The following MAGED1 variants were observed in gnomAD, a reference collection of about 807,000 sequenced individuals.
The protein encoded by MAGED1 is MAGE family member D1.
A neutral mutation model predicts 54.1 loss-of-function variants in MAGED1; 3 were observed. That is an observed-to-expected ratio of 0.06 (90% confidence interval 0.03 to 0.14). The LOEUF is 0.14. MAGED1 is among the 10% of genes least tolerant of loss of function. The pLI is 1.00. For missense variants in MAGED1, 485 were observed against 623.4 expected (o/e 0.78, Z 2.36); for synonymous variants, 217 against 227.3 (o/e 0.95, Z 0.41).
intron 1 of MAGED1, among the ~76,000 whole-genome samples, chrX:51,833,410 T>C (rs193275870): frequency 2.7e-5 from 3 of 111,593 alleles, no homozygotes; most frequent in Admixed American, 9.5e-5. Context: ...TTAGTAAGTG[T>C]GCTGTTGCTG....
chrX:51,818,724 C>T (rs185134500), intron 1 of MAGED1, among the ~76,000 whole-genome samples: 1 of 112,282 alleles, frequency 8.9e-6, no homozygotes, highest in East Asian at 2.8e-4. Flanking sequence ...CAATTGGCCC[C>T]ATCTGCACAT....
intron 1 of MAGED1, among the ~76,000 whole-genome samples, chrX:51,807,793 A>G (rs998198240): frequency 1.8e-5 from 2 of 112,093 alleles, no homozygotes; most frequent in African/African-American, 3.2e-5. Flanking sequence ...TTGTATGAAT[A>G]CCACTGTCTT....
At chrX:51,841,789 G>A (rs1013770835) in intron 1 of MAGED1, among the ~76,000 whole-genome samples, 1 of 111,525 alleles carries the variant, frequency 9.0e-6, no homozygotes, top group Admixed American at 9.5e-5. Flanking sequence ...TGTTCCATTG[G>A]TCTATATCTC....
intron 1 of MAGED1, among the ~76,000 whole-genome samples, chrX:51,812,846 A>C (rs1249191481): frequency 9.1e-6 from 1 of 110,273 alleles, no homozygotes; most frequent in Non-Finnish European, 1.9e-5. Flanking sequence ...CTTTTCCAAA[A>C]TGGCTCTACC....
intron 1 of MAGED1, among the ~76,000 whole-genome samples, chrX:51,817,160 T>C (rs1167195919): frequency 1.8e-5 from 2 of 112,012 alleles, no homozygotes; most frequent in South Asian, 7.6e-4. Context: ...GTGAATCCGT[T>C]TGACAATGTG....
intron 9 of MAGED1, 96 bp from the exon 10 acceptor site, chrX:51,898,485 C>A: frequency 1.0e-6 from 1 of 973,955 alleles, no homozygotes; most frequent in Non-Finnish European, 1.4e-6. Context: ...CAGTTCTGAA[C>A]TCTCTGCCTC....
intron 1 of MAGED1, among the ~76,000 whole-genome samples, chrX:51,888,463 A>T (rs1928319721): frequency 8.9e-6 from 1 of 112,156 alleles, no homozygotes; most frequent in African/African-American, 3.2e-5. Context: ...ATATACTGAC[A>T]CCAGCAGATG....
chrX:51,836,826 G>A (rs1219289559), intron 1 of MAGED1, among the ~76,000 whole-genome samples: 2 of 110,833 alleles, frequency 1.8e-5, no homozygotes, highest in Non-Finnish European at 3.8e-5. Context: ...CGCCCGCCTC[G>A]GCCTCCCAAA....
chrX:51,873,296 CA>C (rs1174056938), intron 1 of MAGED1, among the ~76,000 whole-genome samples: 4 of 110,696 alleles, frequency 3.6e-5, no homozygotes, highest in Admixed American at 1.9e-4. Flanking sequence ...AGTCACCTCC[CA>C]CCGGGTCCCT....
intron 10 of MAGED1, 196 bp downstream of exon 10, chrX:51,898,839 C>CA (rs1475638794): frequency 1.9e-5 from 7 of 362,478 alleles, no homozygotes; most frequent in Non-Finnish European, 2.8e-5. Flanking sequence ...CCCATCTCTA[C>CA]AAAAAAATAC....
At chrX:51,817,707 A>T (rs923878001) in intron 1 of MAGED1, among the ~76,000 whole-genome samples, 5 of 111,842 alleles carry the variant, frequency 4.5e-5, no homozygotes, top group Non-Finnish European at 9.4e-5. Flanking sequence ...TATTTGACAC[A>T]CTCATTCAGG....
At chrX:51,866,113 T>G (rs1927451327) in intron 1 of MAGED1, among the ~76,000 whole-genome samples, 1 of 112,345 alleles carries the variant, frequency 8.9e-6, no homozygotes, top group Non-Finnish European at 1.9e-5. Context: ...TAATATAGAA[T>G]TTGTTTTTAA....
intron 1 of MAGED1, among the ~76,000 whole-genome samples, chrX:51,813,662 G>C (rs782583985): frequency 3.6e-5 from 4 of 111,819 alleles, no homozygotes; most frequent in Non-Finnish European, 7.5e-5. Flanking sequence ...CAAAATTTGG[G>C]TGGGGTCCCT....
At chrX:51,890,157 C>T (rs1928385174), upstream of MAGED1, among the ~76,000 whole-genome samples, 1 of 112,091 alleles carries the variant, frequency 8.9e-6, no homozygotes, top group Non-Finnish European at 1.9e-5. Context: ...CCATGCCTAT[C>T]TGACTGAACC....
intron 1 of MAGED1, among the ~76,000 whole-genome samples, chrX:51,860,376 C>G (rs782221536): frequency 8.9e-6 from 1 of 111,737 alleles, no homozygotes; most frequent in African/African-American, 3.3e-5. Flanking sequence ...TGGGTTAAGG[C>G]AGTGGGAATG....
Position 51,898,327 on chromosome X carries a change from G to T in MAGED1, c.1781G>T (p.Gly594Val). The change falls in exon 9 of 13, where the codon GGG (glycine) becomes GTG (valine). Residue 594 changes from glycine (G) to valine (V), a missense_variant and splice_region_variant. Physicochemically the swap from Gly to Val is moderately radical, Grantham distance 109. This residue lies in a region of MAGED1 where 186 missense variants were observed against 330.3 expected (regional missense o/e 0.56). Coordinates refer to ENST00000326587, the MANE Select transcript of MAGED1 (RefSeq NM_006986.4). Reference sequence around the variant, plus strand: ...CTACGCAAGATGGGACTGCGTCCTGGGTATGATTGGGCTCTCTCATCTCTT... The same window carrying T: ...CTACGCAAGATGGGACTGCGTCCTGTGTATGATTGGGCTCTCTCATCTCTT... ...EALRKMGLRP[G>V]VRHPLLGDLR... 8.3e-7 allele frequency: 1 copy of T among 1,210,661 alleles called. No individual in the cohort carries two copies. Among genetic ancestry groups the T allele is most frequent in the Non-Finnish European group, 1.1e-6 (1 of 894,844 alleles).
chrX:51,839,737 C>A (rs1335404741), intron 1 of MAGED1, among the ~76,000 whole-genome samples: 1 of 111,976 alleles, frequency 8.9e-6, no homozygotes, highest in Non-Finnish European at 1.9e-5. Context: ...TTCCATGAAT[C>A]TTATTTGATA....
At chrX:51,828,961 T>C (rs1248865849) in intron 1 of MAGED1, among the ~76,000 whole-genome samples, 2 of 111,311 alleles carry the variant, frequency 1.8e-5, no homozygotes, top group African/African-American at 3.3e-5. Context: ...CACTTTGAAC[T>C]ATTGCATTTC....
At chrX:51,888,041 G>A (rs1270392072) in intron 1 of MAGED1, among the ~76,000 whole-genome samples, 4 of 111,365 alleles carry the variant, frequency 3.6e-5, no homozygotes, top group African/African-American at 1.3e-4. Context: ...TGGGAAGGAG[G>A]TGGGGATGGT....
Sources: allele counts gnomAD v4.1 joint callset (sites outside exome capture counted in the v4.1 genomes callset), GRCh38; gene constraint gnomAD v4.1.1; regional missense constraint gnomAD v4.1.1; transcripts MANE v1.5; gene names NCBI Gene and HGNC (gene_info 2026-07-23, HGNC 2026-07-21).